Variants in ADGRA1 observed in about 807,000 individuals in gnomAD.
ADGRA1 encodes G-protein coupled receptor 123.
A neutral mutation model predicts 21.3 loss-of-function variants in ADGRA1; 12 were observed. That is an observed-to-expected ratio of 0.56 (90% CI 0.36 to 0.91). ADGRA1 has a LOEUF of 0.91. Ranked by LOEUF, ADGRA1 falls within the 40% of genes least tolerant of loss-of-function variation. The pLI is 0.01. For synonymous variants in ADGRA1, 385 were observed against 368.8 expected (o/e 1.04, Z -0.50); for missense variants, 790 against 805.6 (o/e 0.98, Z 0.23).
intron 5 of ADGRA1, among the ~76,000 whole-genome samples, chr10:133,126,679 G>A (rs977950299): frequency 2.0e-5 from 3 of 152,196 alleles, no homozygotes; most frequent in South Asian, 2.1e-4. Flanking sequence ...CCCTGGGCTC[G>A]GGCTGTGCCT....
intron 5 of ADGRA1, among the ~76,000 whole-genome samples, chr10:133,112,161 A>G (rs1377886200): frequency 6.6e-6 from 1 of 152,184 alleles, no homozygotes; most frequent in Admixed American, 6.5e-5. Flanking sequence ...GCCAAAAGGA[A>G]GACACTCCAG....
intron 2 of ADGRA1, among the ~76,000 whole-genome samples, chr10:133,092,349 T>A (rs1851608612): frequency 6.6e-6 from 1 of 152,238 alleles, no homozygotes; most frequent in African/African-American, 2.4e-5. Context: ...TTAAGAACTT[T>A]AAGCAAGTAA....
chr10:133,116,532 A>G (rs1278204579), intron 5 of ADGRA1, among the ~76,000 whole-genome samples: 1 of 149,420 alleles, frequency 6.7e-6, no homozygotes, highest in Non-Finnish European at 1.5e-5. Flanking sequence ...TCCCACCCAG[A>G]CCACACCCAA....
chr10:133,095,783 G>A, intron 2 of ADGRA1: 1 of 1,598,398 alleles, frequency 6.3e-7, no homozygotes, highest in East Asian at 2.2e-5. Flanking sequence ...CGACACAGGT[G>A]ACACTGCCTC....
chr10:133,097,024 C>A lies in ADGRA1; in HGVS notation c.54C>A (p.His18Gln). Residue 18 changes from histidine to glutamine, a missense_variant, in exon 3 of 7, where the codon CAC becomes CAA. Physicochemically the swap from His to Gln is conservative, Grantham distance 24 (BLOSUM62 0). Around this residue, in one of 3 missense-constraint regions of ADGRA1, gnomAD observed 382 missense variants for 415.6 expected, o/e 0.92. Transcript: ENST00000392607. ...SLPRYPGEFL[H>Q]PVVYACTAVM... ...CCCGCTACCCAGGGGAGTTCCTGCA[C>A]CCCGTGGTGTACGCGTGCACGGCCG... 6.2e-7 allele frequency: 1 copy of A among 1,613,120 alleles called. No homozygotes were observed. The highest frequency in any genetic ancestry group is 8.5e-7 in the Non-Finnish European group (1 of 1,179,994).
chr10:133,127,396 C>CA, intron 6 of ADGRA1, 65 bp downstream of exon 6: 1 of 1,235,606 alleles, frequency 8.1e-7, no homozygotes, highest in African/African-American at 1.5e-5. Context: ...GAGGTCCCTC[C>CA]CAGGCACCTG....
chr10:133,118,335 G>A lies in ADGRA1; in HGVS notation c.402-8898G>A, dbSNP rs9419012. ...TGCACACTTAGTCAACTACAGTAGA[G>A]TATAAATACAACTTTTATGTGCTGT... On this transcript the variant is annotated intron_variant, in intron 5 of 6. Transcript: ENST00000392607. Among the ~76,000 whole-genome samples, 794 of 152,256 alleles carry A rather than the reference G, an allele frequency of 5.2e-3. 4 individuals are homozygous for A. The highest frequency in any genetic ancestry group is 0.018 in the African/African-American group (744 of 41,530).
At position 133,130,015 on chromosome 10, in the gene ADGRA1, G is replaced by A. The variant is rs562721914; in HGVS notation, c.*504G>A. 11 of 159,626 alleles carry A rather than the reference G, an allele frequency of 6.9e-5. No homozygotes were observed. The South Asian group carries it at 1.5e-3, about 22-fold the overall frequency. 9.9% of individuals were successfully genotyped at this position (159,626 alleles called of 1,614,324 possible). A position where few individuals can be genotyped will look rare whatever the true frequency, so the allele number is the denominator to read the frequency against. On this transcript the variant is annotated 3_prime_UTR_variant, in exon 7 of 7. Coordinates refer to ENST00000392607, the MANE Select transcript of ADGRA1 (RefSeq NM_001083909.3). ...CCAGTGTTCAATGTGTGTGTCTTGC[G>A]TTCTACTCCGGGGGTGGCGGCGGCA...
chr10:133,105,606 T>C (rs1851879606), intron 5 of ADGRA1, among the ~76,000 whole-genome samples: 1 of 152,182 alleles, frequency 6.6e-6, no homozygotes, highest in South Asian at 2.1e-4. Flanking sequence ...TCCGTGAGCA[T>C]TTCACACGCC....
At chr10:133,098,220 G>T (rs9419099) in intron 3 of ADGRA1, among the ~76,000 whole-genome samples, 9 of 152,142 alleles carry the variant, frequency 5.9e-5, no homozygotes, top group Non-Finnish European at 1.2e-4. Flanking sequence ...CCGGGGTCAC[G>T]CTGAGCCAGT....
chr10:133,093,918 C>T (rs1851644035), intron 2 of ADGRA1, among the ~76,000 whole-genome samples: 2 of 152,256 alleles, frequency 1.3e-5, no homozygotes, highest in African/African-American at 2.4e-5. Flanking sequence ...TAAATGTCAC[C>T]TCTGAAAATG....
chr10:133,101,512 C>T (rs1851794212), intron 4 of ADGRA1, among the ~76,000 whole-genome samples: 2 of 152,256 alleles, frequency 1.3e-5, no homozygotes. Flanking sequence ...AGCTCTGCCA[C>T]GTACACCTTC....
At chr10:133,089,522 G>A (rs1238515478) in intron 2 of ADGRA1, among the ~76,000 whole-genome samples, 2 of 152,212 alleles carry the variant, frequency 1.3e-5, no homozygotes, top group Non-Finnish European at 2.9e-5. Flanking sequence ...TTTTGCTGCA[G>A]TTGCTGAATG....
chr10:133,129,452 G>T lies in ADGRA1; in HGVS notation c.1624G>T (p.Gly542Cys). 1 of 1,601,402 alleles carries T rather than the reference G, an allele frequency of 6.2e-7. No homozygotes were observed. Among genetic ancestry groups the T allele is most frequent in the Non-Finnish European group, 8.5e-7 (1 of 1,179,874 alleles). Reference sequence around the variant, plus strand: ...TAAATTGCTAGAAGGCCTGCCGTTTGGCACCGACGGGACCGGCAACATCCG... The same window carrying T: ...TAAATTGCTAGAAGGCCTGCCGTTTTGCACCGACGGGACCGGCAACATCCG... ...KGKLLEGLPF[G>C]TDGTGNIRTG... The change falls in exon 7 of 7, where the codon GGC (glycine) becomes TGC (cysteine). Residue 542 changes from glycine to cysteine, a missense_variant. Gly to Cys is a radical substitution (Grantham distance 159). Around this residue, in one of 3 missense-constraint regions of ADGRA1, gnomAD observed 391 missense variants for 351.5 expected, o/e 1.11. Transcript: ENST00000392607.
rs536535108 is a variant in ADGRA1, at chr10:133,101,195, G to A, written c.256-1502G>A. On this transcript the variant is annotated intron_variant, in intron 4 of 6. Coordinates refer to ENST00000392607, the MANE Select transcript of ADGRA1 (RefSeq NM_001083909.3). The stretch of plus-strand genomic sequence containing the variant: ...CATATGGGCCAGTGGTGGCTGATCC[G>A]CCTTCCCGCCTGCCCCGCCCTTGTC... Among the ~76,000 whole-genome samples the A allele has an allele frequency of 2.6e-5, 4 of 152,292 alleles. No individual in the cohort carries two copies. In the East Asian group the frequency reaches 7.7e-4, roughly 29 times the overall value.
Position 133,098,737 on chromosome 10 carries a change from A to C in ADGRA1, c.229A>C (p.Thr77Pro). The change falls in exon 4 of 7, where the codon ACC (threonine) becomes CCC (proline). Residue 77 changes from threonine (T) to proline (P), a missense_variant. Coordinates refer to ENST00000392607, the MANE Select transcript of ADGRA1 (RefSeq NM_001083909.3). ...FTVFAGGINRTKYPILCQAVG... is the reference protein window; with the variant it reads ...FTVFAGGINRPKYPILCQAVG... ...TGTGTTCGCCGGCGGCATCAATCGC[A>C]CCAAGTACCCCATCCTGTGCCAGGC... 1 of 1,611,762 alleles carries C rather than the reference A, an allele frequency of 6.2e-7. No individual in the cohort carries two copies. Among genetic ancestry groups the C allele is most frequent in the Non-Finnish European group, 8.5e-7 (1 of 1,179,946 alleles).
rs539074960 is a variant in ADGRA1, at chr10:133,129,148, C to A, written c.1320C>A (p.Ile440=). ...PAEEPEYAYH[I]PSSLDGSPRS... ...AGGAGCCCGAGTACGCCTACCACAT[C>A]CCATCCAGCCTGGATGGCAGCCCCC... Residue 440 remains isoleucine (I), a synonymous_variant, in exon 7 of 7, where the codon ATC becomes ATA. Coordinates refer to ENST00000392607, the MANE Select transcript of ADGRA1 (RefSeq NM_001083909.3). The A allele has an allele frequency of 4.5e-6, 7 of 1,554,782 alleles. No individual in the cohort carries two copies. In the South Asian group the frequency reaches 8.3e-5, roughly 18 times the overall value.
chr10:133,091,613 C>T (rs1439381836), intron 2 of ADGRA1, among the ~76,000 whole-genome samples: 2 of 152,192 alleles, frequency 1.3e-5, no homozygotes, highest in Admixed American at 6.5e-5. Flanking sequence ...CTCAACCGAG[C>T]CCCTTCCAGC....
At chr10:133,102,301 G>C in intron 4 of ADGRA1, 1 of 505,808 alleles carries the variant, frequency 2.0e-6, no homozygotes, top group South Asian at 1.5e-5. Flanking sequence ...ACCCCACTGA[G>C]GACTTCACCT....
Sources: allele counts gnomAD v4.1 joint callset (sites outside exome capture counted in the v4.1 genomes callset), GRCh38; gene constraint gnomAD v4.1.1; regional missense constraint gnomAD v4.1.1; transcripts MANE v1.5; gene names NCBI Gene and HGNC (gene_info 2026-07-23, HGNC 2026-07-21).